CMYA5: variants seen among roughly 807,000 people sequenced by gnomAD.
CMYA5 encodes cardiomyopathy associated 5.
CMYA5 carries 246 observed loss-of-function variants against 318.9 expected under a neutral mutation model. The ratio of observed to expected loss-of-function variants is 0.77; its 90% CI spans 0.70 to 0.86. The LOEUF is 0.86. CMYA5 is among the 40% of genes least tolerant of loss of function. The pLI, the probability that CMYA5 is intolerant of heterozygous loss-of-function variation, is 0.00. For missense variants in CMYA5, 4,589 were observed against 4,678.2 expected (o/e 0.98, Z 0.56); for synonymous variants, 1,641 against 1,729.5 (o/e 0.95, Z 1.27).
intron 1 of CMYA5, among the ~76,000 whole-genome samples, chr5:79,700,788 A>G (rs1827159194): frequency 6.6e-6 from 1 of 152,162 alleles, no homozygotes; most frequent in Non-Finnish European, 1.5e-5. Flanking sequence ...TCATTACGTT[A>G]AGGGAAATAA....
At chr5:79,701,784 A>G (rs1827178440) in intron 1 of CMYA5, among the ~76,000 whole-genome samples, 1 of 152,230 alleles carries the variant, frequency 6.6e-6, no homozygotes, top group South Asian at 2.1e-4. Flanking sequence ...TAGCATCATT[A>G]TTCATAATAG....
chr5:79,776,419 G>T (rs1828939508), intron 9 of CMYA5, among the ~76,000 whole-genome samples: 1 of 152,142 alleles, frequency 6.6e-6, no homozygotes, highest in African/African-American at 2.4e-5. Context: ...TTTATAAGTA[G>T]CTTCACACAG....
intron 1 of CMYA5, among the ~76,000 whole-genome samples, chr5:79,715,352 A>T (rs1012124134): frequency 8.6e-5 from 13 of 151,780 alleles, no homozygotes; most frequent in Non-Finnish European, 1.5e-4. Flanking sequence ...CAGTGGTGCG[A>T]TCTCAGCTCA....
At chr5:79,795,110 T>A (rs1455413327) in intron 12 of CMYA5, among the ~76,000 whole-genome samples, 2 of 152,194 alleles carry the variant, frequency 1.3e-5, no homozygotes, top group Non-Finnish European at 2.9e-5. Flanking sequence ...ATTATGTATT[T>A]TGTTGACCAG....
At chr5:79,761,498 C>T (rs1828650252) in intron 7 of CMYA5, among the ~76,000 whole-genome samples, 1 of 152,182 alleles carries the variant, frequency 6.6e-6, no homozygotes, top group Non-Finnish European at 1.5e-5. Flanking sequence ...CTAACATATA[C>T]ATTATGTAAT....
rs754522740 is a variant in CMYA5 at position 79,729,492 on chromosome 5, CA to C, written c.729del (p.Gln243HisfsTer11). The C allele has an allele frequency of 6.2e-7, 1 of 1,609,262 alleles. No individual in the cohort carries two copies. Among genetic ancestry groups the C allele is most frequent in the African/African-American group, 1.3e-5 (1 of 74,694 alleles). On this transcript the variant is annotated frameshift_variant, in exon 2 of 13. Transcript: ENST00000446378. LOFTEE classifies it high-confidence loss of function. The stretch of plus-strand genomic sequence containing the variant: ...GGTTAAAGAAGAATTAATTCCTCTA[CA>C]ATTTTATGGAACATTGCCAAAGGGT... Reference protein sequence around the residue: ...NSVKEELIPLQFYGTLPKGYV... With the variant: ...NSVKEELIPLXFYGTLPKGYV...
rs200387533 is a variant in CMYA5 at position 79,730,516 on chromosome 5, A to C, written c.1751A>C (p.Glu584Ala). The C allele has an allele frequency of 2.6e-3, 4,244 of 1,613,966 alleles. 33 individuals carry two copies. Among genetic ancestry groups the C allele is most frequent in the South Asian group, 0.015 (1,404 of 91,048 alleles). ...HVALSEEERE[E>A]IASVSTGSAF... ...GCTTTGTCTGAGGAAGAAAGAGAGG[A>C]AATTGCATCTGTTTCTACTGGTTCT... Residue 584 changes from glutamate to alanine, a missense_variant, in exon 2 of 13, where the codon GAA becomes GCA. Glu to Ala is a moderately radical substitution (Grantham distance 107). Coordinates refer to ENST00000446378, the MANE Select transcript of CMYA5 (RefSeq NM_153610.5).
At chr5:79,769,143 A>G (rs555561244) in intron 9 of CMYA5, among the ~76,000 whole-genome samples, 1 of 152,098 alleles carries the variant, frequency 6.6e-6, no homozygotes, top group East Asian at 1.9e-4. Flanking sequence ...TTTCAGGTCC[A>G]TTAGGTCATT....
Position 79,763,093 on chromosome 5 carries a change from C to T in CMYA5, c.11439C>T (p.Asp3813=). ...CCACCCCTGTGATCCGCGCTGAGGA[C>T]TGTACTGTGTGTTGGAACACAGCCA... ...APSTPVIRAE[D]CTVCWNTATI... Residue 3813 remains aspartate (D), a synonymous_variant, in exon 9 of 13, where the codon GAC becomes GAT. Coordinates refer to ENST00000446378, the MANE Select transcript of CMYA5 (RefSeq NM_153610.5). The T allele has an allele frequency of 6.2e-7, 1 of 1,613,916 alleles. No homozygotes were observed. The highest frequency in any genetic ancestry group is 8.5e-7 in the Non-Finnish European group (1 of 1,179,870).
At chr5:79,708,329 A>G (rs758394199) in intron 1 of CMYA5, among the ~76,000 whole-genome samples, 2 of 152,204 alleles carry the variant, frequency 1.3e-5, no homozygotes, top group Non-Finnish European at 2.9e-5. Flanking sequence ...TAATAATAGA[A>G]AGTAACATTT....
Position 79,690,044 on chromosome 5 carries a change from A to G in CMYA5, c.137A>G (p.Glu46Gly). 6.9e-7 allele frequency: 1 copy of G among 1,457,212 alleles called. No individual in the cohort carries two copies. Among genetic ancestry groups the G allele is most frequent in the Non-Finnish European group, 9.1e-7 (1 of 1,100,582 alleles). The allele number at this position is 1,457,212 out of a possible 1,614,324, so 90.3% of individuals were successfully genotyped here. A position where few individuals can be genotyped will look rare whatever the true frequency, so the allele number is the denominator to read the frequency against. ...EDETAAESEEEPDSRLSDQDE... is the reference protein window; with the variant it reads ...EDETAAESEEGPDSRLSDQDE... ...GAGACGGCGGCGGAGTCGGAGGAGG[A>G]GCCGGACTCCAGGTAGCGCGAGCCT... Residue 46 changes from glutamate to glycine, a missense_variant, in exon 1 of 13, where the codon GAG becomes GGG. By Grantham distance (98) the Glu-to-Gly change is moderately conservative. Transcript: ENST00000446378.
intron 7 of CMYA5, among the ~76,000 whole-genome samples, chr5:79,759,445 G>A (rs1019302347): frequency 1.3e-5 from 2 of 152,180 alleles, no homozygotes; most frequent in Non-Finnish European, 2.9e-5. Flanking sequence ...CAGTTCCCAG[G>A]GCGTGGGCCT....
In CMYA5 at chr5:79,733,864, T is replaced by G. The variant is rs1827982433; in HGVS notation, c.5099T>G (p.Leu1700Arg). 6 of 1,613,584 alleles carry G rather than the reference T, an allele frequency of 3.7e-6. No homozygotes were observed. Among genetic ancestry groups the G allele is most frequent in the Non-Finnish European group, 5.1e-6 (6 of 1,179,828 alleles). ...TCTACGATGCCTGCAATTTCAGAGC[T>G]TTCATCATTGCTTAGGGAGGAATCT... ...ASSTMPAISE[L>R]SSLLREESQN... Residue 1700 changes from leucine to arginine, a missense_variant, in exon 2 of 13, where the codon CTT (leucine) becomes CGT (arginine). Leu to Arg is a moderately radical substitution (Grantham distance 102). Transcript: ENST00000446378.
chr5:79,726,666 C>T (rs536442373), intron 1 of CMYA5, among the ~76,000 whole-genome samples: 1 of 152,250 alleles, frequency 6.6e-6, no homozygotes, highest in Admixed American at 6.5e-5. Flanking sequence ...CCCAAGGGGC[C>T]TGGCTGCCCC....
At position 79,729,752 on chromosome 5, in the gene CMYA5, T is replaced by A. The variant is rs762945178; in HGVS notation, c.987T>A (p.Asp329Glu). ...SHEDQKKIYA[D>E]SPLNATSALE... ...AAGATCAAAAGAAAATTTATGCTGA[T>A]TCTCCCCTAAATGCCACATCTGCAT... The change falls in exon 2 of 13, where the codon GAT (aspartate) becomes GAA (glutamate). Residue 329 changes from aspartate (D) to glutamate (E), a missense_variant. Physicochemically the swap from Asp to Glu is conservative, Grantham distance 45. Around this residue, in one of 3 missense-constraint regions of CMYA5, gnomAD observed 2,132 missense variants for 2,131.3 expected, o/e 1.00. Coordinates refer to ENST00000446378, the MANE Select transcript of CMYA5 (RefSeq NM_153610.5). 5 of 1,613,846 alleles carry A rather than the reference T, an allele frequency of 3.1e-6. No individual in the cohort carries two copies. The South Asian group carries it at 4.4e-5, about 14-fold the overall frequency.
In CMYA5 at chr5:79,730,387, T is replaced by C. The variant is rs765534343; in HGVS notation, c.1622T>C (p.Leu541Ser). The C allele has an allele frequency of 1.9e-6, 3 of 1,613,918 alleles. No individual in the cohort carries two copies. ...GAACTTGATTACCCAGAAAGCCCAT[T>C]GGTTTCCGAGAAGCCCTTCCCACCA... ...IVELDYPESP[L>S]VSEKPFPPHM... Residue 541 changes from leucine to serine, a missense_variant, in exon 2 of 13, where the codon TTG (leucine) becomes TCG (serine). Physicochemically the swap from Leu to Ser is moderately radical, Grantham distance 145. Coordinates refer to ENST00000446378, the MANE Select transcript of CMYA5 (RefSeq NM_153610.5).
chr5:79,709,224 G>T (rs1382690280), intron 1 of CMYA5, among the ~76,000 whole-genome samples: 1 of 152,042 alleles, frequency 6.6e-6, no homozygotes, highest in Non-Finnish European at 1.5e-5. Flanking sequence ...GTCAATATGT[G>T]TAAAAAGCCT....
chr5:79,758,703 A>G (rs1323487432), intron 6 of CMYA5, 50 bp from the exon 7 acceptor site: 14 of 1,490,348 alleles, frequency 9.4e-6, no homozygotes, highest in Non-Finnish European at 1.1e-5. Flanking sequence ...TTGTGCCCAA[A>G]AAATTAATAA....
At chr5:79,791,871 G>C (rs1285958283) in intron 11 of CMYA5, among the ~76,000 whole-genome samples, 1 of 152,202 alleles carries the variant, frequency 6.6e-6, no homozygotes, top group Non-Finnish European at 1.5e-5. Context: ...AAACTGCCCT[G>C]CAATTTGCCT....
Sources: gnomAD v4.1 joint callset for allele counts (sites outside exome capture counted in the v4.1 genomes callset) on GRCh38, gnomAD v4.1.1 for gene constraint, gnomAD v4.1.1 regional missense constraint, MANE v1.5 for transcripts, NCBI Gene and HGNC (gene_info 2026-07-23, HGNC 2026-07-21) for gene names.